STOX2: variants seen among roughly 807,000 people sequenced by gnomAD.
STOX2 encodes the protein storkhead box 2.
A neutral mutation model predicts 60.9 loss-of-function variants in STOX2; 28 were observed. The observed-to-expected ratio is 0.46, with a 90% CI of 0.34 to 0.63. The LOEUF (loss-of-function observed/expected upper bound fraction) is 0.63. Among genes scored for constraint, STOX2 ranks in the 30% least tolerant of loss-of-function variants. STOX2 has a pLI of 0.01. For missense variants in STOX2, 1,024 were observed against 1,187.7 expected (o/e 0.86, Z 2.03); for synonymous variants, 472 against 463.9 (o/e 1.02, Z -0.22).
rs1216966613 is a variant in STOX2, at chr4:183,865,807, C to A, written c.364+67752C>A. On this transcript the variant is annotated intron_variant, in intron 1 of 2. Coordinates refer to the STOX2 transcript ENST00000513034. The surrounding 1 kb of genome is among the most constrained non-coding windows in gnomAD (Gnocchi z 4.1). ...CTGGTTGTAGGTTGCATGGAGAAGT[C>A]TTGTGGAGACAAAGACAGAATTTGA... is the stretch of plus-strand genomic sequence containing the variant. Among the ~76,000 whole-genome samples the A allele has an allele frequency of 2.0e-5, 3 of 152,178 alleles. No homozygotes were observed. Among genetic ancestry groups the A allele is most frequent in the African/African-American group, 7.2e-5 (3 of 41,440 alleles).
intron 1 of STOX2, among the ~76,000 whole-genome samples, chr4:183,874,059 A>G (rs1740756524): frequency 6.6e-6 from 1 of 152,192 alleles, no homozygotes; most frequent in African/African-American, 2.4e-5. Context: ...TGGCTCCCAT[A>G]AGTAAGTGGC....
At chr4:183,865,000 C>T (rs1389193272) in intron 1 of STOX2, among the ~76,000 whole-genome samples, 2 of 152,186 alleles carry the variant, frequency 1.3e-5, no homozygotes, top group Middle Eastern at 3.2e-3. Context: ...TATGAAAGAT[C>T]ACAGTTCTCC....
At chr4:183,914,076 C>G (rs1419078027) in intron 1 of STOX2, among the ~76,000 whole-genome samples, 1 of 152,052 alleles carries the variant, frequency 6.6e-6, no homozygotes, top group East Asian at 1.9e-4. Context: ...CAGAATGAAC[C>G]CATGTACCTG....
intron 1 of STOX2, among the ~76,000 whole-genome samples, chr4:183,937,420 C>A (rs374385664): frequency 6.6e-6 from 1 of 152,238 alleles, no homozygotes; most frequent in Non-Finnish European, 1.5e-5. Flanking sequence ...TTATTTCCGA[C>A]GCTCAGGAAG....
chr4:183,841,680 T>A (rs1162609908), intron 1 of STOX2, among the ~76,000 whole-genome samples: 1 of 152,128 alleles, frequency 6.6e-6, no homozygotes, highest in African/African-American at 2.4e-5. Context: ...GTTGAGAAAA[T>A]AGAGACAGAA....
chr4:183,983,642 A>G lies in STOX2; in HGVS notation c.167-17683A>G, dbSNP rs1336702706. On this transcript the variant is annotated intron_variant, in intron 1 of 3. Transcript: ENST00000308497. Reference sequence around the variant, plus strand: ...CCCTCCTGGGAGTTGCCATGAGCTTATAAATGTTTTTGGAGAATGGAGGTG... The same window carrying G: ...CCCTCCTGGGAGTTGCCATGAGCTTGTAAATGTTTTTGGAGAATGGAGGTG... 2.0e-5 allele frequency among the ~76,000 whole-genome samples: 3 copies of G among 152,364 alleles called. No individual in the cohort carries two copies. In the East Asian group the frequency reaches 5.8e-4, roughly 29 times the overall value.
chr4:183,835,953 A>G (rs1739698254), intron 1 of STOX2, among the ~76,000 whole-genome samples: 1 of 152,146 alleles, frequency 6.6e-6, no homozygotes, highest in Non-Finnish European at 1.5e-5. Flanking sequence ...CTGTTCTCAC[A>G]TGGCTGTACC....
chr4:183,816,474 A>T (rs1219872042), intron 1 of STOX2, among the ~76,000 whole-genome samples: 1 of 152,204 alleles, frequency 6.6e-6, no homozygotes, highest in Admixed American at 6.5e-5. Context: ...AAAAATCGGA[A>T]CAGTAGACAT....
rs1490609044 is a variant in STOX2 at position 183,829,385 on chromosome 4, T to C, written c.364+31330T>C. Among the ~76,000 whole-genome samples, 4 of 152,368 alleles carry C rather than the reference T, an allele frequency of 2.6e-5. No homozygotes were observed. In the East Asian group the frequency reaches 5.8e-4, roughly 22 times the overall value. ...GAAAAAAGCCGTTTCCTTTCTCTTT[T>C]TGTTGCAACTTCTAGTCCCTTGTCA... is the stretch of plus-strand genomic sequence containing the variant. On this transcript the variant is annotated intron_variant, in intron 1 of 2. Coordinates refer to the STOX2 transcript ENST00000513034.
At chr4:183,807,819 G>A (rs1014070407) in intron 1 of STOX2, among the ~76,000 whole-genome samples, 24 of 152,222 alleles carry the variant, frequency 1.6e-4, no homozygotes, top group Non-Finnish European at 2.9e-4. Flanking sequence ...GAAAAAAGGC[G>A]AGGGAGAAGA....
chr4:183,993,706 G>A (rs1733208377), intron 1 of STOX2, among the ~76,000 whole-genome samples: 1 of 152,140 alleles, frequency 6.6e-6, no homozygotes, highest in Admixed American at 6.5e-5. Context: ...TTCAACTTTT[G>A]AAATCAGTGG....
Position 183,827,218 on chromosome 4 carries a change from A to G in STOX2, c.364+29163A>G, listed in dbSNP as rs1215765069. On this transcript the variant is annotated intron_variant, in intron 1 of 2. Transcript: ENST00000513034. ...CAGTCATTTATAGAAATGGAATAGCATGGGTGCGGTGGCTCACATCTGTAA... is the reference window on the plus strand; with the variant it reads ...CAGTCATTTATAGAAATGGAATAGCGTGGGTGCGGTGGCTCACATCTGTAA... 2.6e-5 allele frequency among the ~76,000 whole-genome samples: 4 copies of G among 152,168 alleles called. No individual in the cohort carries two copies. The South Asian group carries it at 6.2e-4, about 24-fold the overall frequency.
At position 183,886,303 on chromosome 4, in the gene STOX2, T is replaced by C. The variant is rs995513600; in HGVS notation, c.364+88248T>C. Among the ~76,000 whole-genome samples the C allele has an allele frequency of 4.0e-5, 6 of 151,066 alleles. 1 individual carries two copies. The highest frequency in any genetic ancestry group is 1.5e-4 in the African/African-American group (6 of 41,216). ...GAAGGTTCAGATGGTTGCTGGATGG[T>C]GTAGGCAGATGCAAGATCAGGGTCA... is the stretch of plus-strand genomic sequence containing the variant. On this transcript the variant is annotated intron_variant, in intron 1 of 2. Transcript: ENST00000513034.
chr4:183,798,097 G>C, intron 1 of STOX2: 1 of 1,223,244 alleles, frequency 8.2e-7, no homozygotes, highest in South Asian at 4.2e-5. Context: ...CCTTCCCACC[G>C]GATCGCGTCC....
At chr4:183,798,107 C>G (rs533533351) in intron 1 of STOX2, 2 of 1,219,386 alleles carry the variant, frequency 1.6e-6, no homozygotes, top group East Asian at 3.3e-5. Context: ...GGATCGCGTC[C>G]GTGCCGTGCG....
chr4:183,951,444 CTT>C (rs1163579369), intron 1 of STOX2, among the ~76,000 whole-genome samples: 17,268 of 67,002 alleles, frequency 0.26, 1,352 homozygotes, highest in Middle Eastern at 0.38. Flanking sequence ...CTCTCTCTCT[CTT>C]TTTTTTTTTT....
chr4:183,929,154 C>CA, intron 1 of STOX2, among the ~76,000 whole-genome samples: 1 of 152,272 alleles, frequency 6.6e-6, no homozygotes, highest in Non-Finnish European at 1.5e-5. Flanking sequence ...TAGTCATGAT[C>CA]AAAAACATGG....
At chr4:183,880,071 C>T (rs562789790) in intron 1 of STOX2, among the ~76,000 whole-genome samples, 20 of 152,080 alleles carry the variant, frequency 1.3e-4, no homozygotes, top group East Asian at 7.7e-4. Context: ...CTCCGCTTCC[C>T]GGGTTCAAGC....
chr4:183,914,746 T>C (rs1278689947), intron 1 of STOX2, among the ~76,000 whole-genome samples: 3 of 152,188 alleles, frequency 2.0e-5, no homozygotes, highest in Non-Finnish European at 4.4e-5. Flanking sequence ...TTCAGTTGGA[T>C]TCCATGAACT....
Sources: gnomAD v4.1 joint callset for allele counts (sites outside exome capture counted in the v4.1 genomes callset) on GRCh38, gnomAD v4.1.1 for gene constraint, Gnocchi (gnomAD v3.1) non-coding constraint, MANE v1.5 for transcripts, NCBI Gene and HGNC (gene_info 2026-07-23, HGNC 2026-07-21) for gene names.